Variants in GAB1 observed in about 807,000 individuals in gnomAD.
GAB1 encodes the protein GRB2-associated-binding protein 1.
Under a neutral mutation model 66.5 loss-of-function variants are expected in GAB1, and 19 were observed. The ratio of observed to expected loss-of-function variants is 0.29; its 90% CI spans 0.20 to 0.42. GAB1 has a LOEUF of 0.42. Ranked by LOEUF, GAB1 falls within the 10% of genes least tolerant of loss-of-function variation. GAB1 has a pLI of 1.00. For missense variants in GAB1, 732 were observed against 858.5 expected (o/e 0.85, Z 1.84); for synonymous variants, 294 against 301.4 (o/e 0.98, Z 0.25).
At position 143,470,315 on chromosome 4, in the gene GAB1, G is replaced by A. The variant is rs1325642660; in HGVS notation, c.*1126G>A. 1 of 152,002 alleles carries A rather than the reference G, an allele frequency of 6.6e-6. No homozygotes were observed. Among genetic ancestry groups the A allele is most frequent in the African/African-American group, 2.4e-5 (1 of 41,370 alleles). The allele number at this position is 152,002 out of a possible 1,614,324, so 9.4% of individuals were successfully genotyped here. On this transcript the variant is annotated 3_prime_UTR_variant, in exon 10 of 10. Coordinates refer to ENST00000262994, the MANE Select transcript of GAB1 (RefSeq NM_002039.4). ...TATCTGCATTTTTTTAAAAAAAATAGATGTTATATAAGTGATTCTCGTATG... is the reference window on the plus strand; with the variant it reads ...TATCTGCATTTTTTTAAAAAAAATAAATGTTATATAAGTGATTCTCGTATG...
chr4:143,440,013 T>G lies in GAB1; in HGVS notation c.1282-66T>G, dbSNP rs28925906. The G allele has an allele frequency of 1.6e-4, 237 of 1,481,596 alleles. No individual in the cohort carries two copies. The African/African-American group carries it at 3.0e-3, about 18-fold the overall frequency. The allele number at this position is 1,481,596 out of a possible 1,614,324, so 91.8% of individuals were successfully genotyped here. ...TGAGATCCATATGAATGAGTGTGAC[T>G]TACAATTGTGTTTTCATGTGTGACA... On this transcript the variant is annotated intron_variant, in intron 5 of 9. Transcript: ENST00000262994.
At chr4:143,371,680 T>C (rs900284586) in intron 1 of GAB1, among the ~76,000 whole-genome samples, 2 of 152,240 alleles carry the variant, frequency 1.3e-5, no homozygotes, top group African/African-American at 4.8e-5. Context: ...TTTATGGTTT[T>C]AGGTCTAACA....
In GAB1 at chr4:143,438,367, G is replaced by A. The variant is rs770936099; in HGVS notation, c.962G>A (p.Arg321Gln). 19 of 1,613,762 alleles carry A rather than the reference G, an allele frequency of 1.2e-5. No homozygotes were observed. The South Asian group carries it at 1.6e-4, about 14-fold the overall frequency. The change falls in exon 4 of 10, where the codon CGA (arginine) becomes CAA (glutamine). Residue 321 changes from arginine (R) to glutamine (Q), a missense_variant. Coordinates refer to ENST00000262994, the MANE Select transcript of GAB1 (RefSeq NM_002039.4). Reference protein sequence around the residue: ...PTPGNTYQIPRTFPEGTLGQT... With the variant: ...PTPGNTYQIPQTFPEGTLGQT... ...CCTGGTAATACTTATCAGATTCCAC[G>A]AACATTTCCAGAAGGAACCTTGGGA...
chr4:143,392,036 G>A (rs553370963), intron 1 of GAB1, among the ~76,000 whole-genome samples: 15 of 152,248 alleles, frequency 9.9e-5, no homozygotes, highest in African/African-American at 3.6e-4. Flanking sequence ...TTTTATTCTT[G>A]ACAAGTAACA....
Position 143,440,346 on chromosome 4 carries a change from C to T in GAB1, c.1549C>T (p.Pro517Ser). Residue 517 changes from proline (P) to serine (S), a missense_variant, in exon 6 of 10, where the codon CCC becomes TCC. Pro to Ser is a moderately conservative substitution (Grantham distance 74, BLOSUM62 -1). Coordinates refer to ENST00000262994, the MANE Select transcript of GAB1 (RefSeq NM_002039.4). ...RPVPVADCEPPPVDRNLKPDR... is the reference protein window; with the variant it reads ...RPVPVADCEPSPVDRNLKPDR... ...AGTTCCTGTTGCAGACTGTGAACCA[C>T]CCCCCGTGGATAGGAACCTCAAGCC... The T allele has an allele frequency of 6.2e-7, 1 of 1,613,386 alleles. No homozygotes were observed. The highest frequency in any genetic ancestry group is 8.5e-7 in the Non-Finnish European group (1 of 1,179,602).
intron 4 of GAB1, among the ~76,000 whole-genome samples, chr4:143,439,237 G>T (rs189288067): frequency 6.6e-6 from 1 of 152,270 alleles, no homozygotes; most frequent in Non-Finnish European, 1.5e-5. Context: ...ATGAGTCTGG[G>T]TGATTCTCTG....
At chr4:143,374,203 A>G (rs1730316042) in intron 1 of GAB1, among the ~76,000 whole-genome samples, 1 of 152,100 alleles carries the variant, frequency 6.6e-6, no homozygotes. Flanking sequence ...TGGTGGCAGC[A>G]TGACTTTCAA....
Position 143,469,196 on chromosome 4 carries a change from T to C in GAB1, c.*7T>C, listed in dbSNP as rs781543080. 57 of 1,613,314 alleles carry C rather than the reference T, an allele frequency of 3.5e-5. No homozygotes were observed. Among genetic ancestry groups the C allele is most frequent in the Middle Eastern group, 1.6e-4 (1 of 6,074 alleles). On this transcript the variant is annotated 3_prime_UTR_variant, in exon 10 of 10. Coordinates refer to ENST00000262994, the MANE Select transcript of GAB1 (RefSeq NM_002039.4). ...AGCGAAGAGTGTGAAATGAAAATATTGCCTTGCCATTTCTGAACAAAAGAA... is the reference window on the plus strand; with the variant it reads ...AGCGAAGAGTGTGAAATGAAAATATCGCCTTGCCATTTCTGAACAAAAGAA...
intron 2 of GAB1, chr4:143,417,339 A>T (rs1161428372): frequency 2.8e-6 from 1 of 353,990 alleles, no homozygotes; most frequent in Non-Finnish European, 5.5e-6. Context: ...TCCTGGAAAG[A>T]GCTGAGTGAC....
chr4:143,361,384 C>A (rs1451224070), intron 1 of GAB1, among the ~76,000 whole-genome samples: 6 of 152,176 alleles, frequency 3.9e-5, no homozygotes, highest in Non-Finnish European at 7.3e-5. Context: ...GGGGAGATCT[C>A]ACTGTTTTGT....
chr4:143,436,888 G>A (rs1381388239), intron 3 of GAB1, among the ~76,000 whole-genome samples: 1 of 152,148 alleles, frequency 6.6e-6, no homozygotes, highest in Non-Finnish European at 1.5e-5. Context: ...GAAAAAGGAG[G>A]ATGATCTCTA....
chr4:143,434,217 G>A, intron 3 of GAB1: 1 of 943,620 alleles, frequency 1.1e-6, no homozygotes, highest in Non-Finnish European at 1.5e-6. Flanking sequence ...TTAATCATAA[G>A]GTAAAATCCC....
chr4:143,458,172 T>TA lies in GAB1; in HGVS notation c.1586-1210dup, dbSNP rs1345705962. ...GTGCCATTATTTAAAAACTGACAGC[T>TA]AAACTGCTATTAGCCTTTGGGTGTC... On this transcript the variant is annotated intron_variant, in intron 6 of 9. Coordinates refer to ENST00000262994, the MANE Select transcript of GAB1 (RefSeq NM_002039.4). 2.0e-5 allele frequency among the ~76,000 whole-genome samples: 3 copies of TA among 152,168 alleles called. No individual in the cohort carries two copies. The East Asian group carries it at 5.8e-4, about 29-fold the overall frequency.
chr4:143,447,093 T>A (rs893080781), intron 6 of GAB1, among the ~76,000 whole-genome samples: 1 of 152,068 alleles, frequency 6.6e-6, no homozygotes, highest in Non-Finnish European at 1.5e-5. Context: ...TTGTCAAAGA[T>A]CAGATAGTTG....
At chr4:143,369,886 G>A (rs1018162238) in intron 1 of GAB1, among the ~76,000 whole-genome samples, 4 of 152,206 alleles carry the variant, frequency 2.6e-5, no homozygotes, top group Admixed American at 6.5e-5. Context: ...TAAGCAAAAG[G>A]CCTAGTGTTA....
chr4:143,402,859 G>T (rs1361075485), intron 1 of GAB1, among the ~76,000 whole-genome samples: 58 of 152,234 alleles, frequency 3.8e-4, no homozygotes, highest in Non-Finnish European at 1.5e-5. Flanking sequence ...AGAAGACAGT[G>T]CAGATCCTGT....
At chr4:143,372,481 C>G (rs1165904658) in intron 1 of GAB1, among the ~76,000 whole-genome samples, 2 of 152,174 alleles carry the variant, frequency 1.3e-5, no homozygotes, top group Non-Finnish European at 2.9e-5. Flanking sequence ...TAAGCAAATA[C>G]ATAATATGGT....
At chr4:143,430,563 G>T (rs1428423878) in intron 2 of GAB1, among the ~76,000 whole-genome samples, 3 of 152,068 alleles carry the variant, frequency 2.0e-5, no homozygotes, top group African/African-American at 7.2e-5. Flanking sequence ...GTTTGATTTT[G>T]GGAAGCCTGT....
At chr4:143,440,534 C>T (rs923931281) in intron 6 of GAB1, 152 bp downstream of exon 6, 2 of 708,916 alleles carry the variant, frequency 2.8e-6, no homozygotes, top group African/African-American at 3.6e-5. Flanking sequence ...AGCAGTACTG[C>T]CATTTATAAA....
Sources: allele counts gnomAD v4.1 joint callset (sites outside exome capture counted in the v4.1 genomes callset), GRCh38; gene constraint gnomAD v4.1.1; transcripts MANE v1.5; gene names NCBI Gene and HGNC (gene_info 2026-07-23, HGNC 2026-07-21).